The following SRRM3 variants were observed in gnomAD, a reference collection of about 807,000 sequenced individuals.
SRRM3 encodes serine/arginine repetitive matrix protein 3.
A neutral mutation model predicts 66.2 loss-of-function variants in SRRM3; 27 were observed. The observed-to-expected ratio is 0.41, with a 90% CI of 0.30 to 0.56. The LOEUF is 0.56. Ranked by LOEUF, SRRM3 falls within the 20% of genes least tolerant of loss-of-function variation. SRRM3 has a pLI of 0.32. For missense variants in SRRM3, 918 were observed against 991.9 expected (o/e 0.93, Z 1.00); for synonymous variants, 391 against 414.9 (o/e 0.94, Z 0.70).
intron 2 of SRRM3, among the ~76,000 whole-genome samples, chr7:76,236,831 C>T (rs1339635490): frequency 2.6e-5 from 4 of 152,088 alleles, no homozygotes; most frequent in Non-Finnish European, 4.4e-5. Flanking sequence ...AAGGAGGTTC[C>T]AGCTGGCAAG....
chr7:76,253,007 T>C (rs1554607105), intron 3 of SRRM3, among the ~76,000 whole-genome samples: 1 of 150,402 alleles, frequency 6.6e-6, no homozygotes, highest in Non-Finnish European at 1.5e-5. Flanking sequence ...CTACTAAAAA[T>C]ACAATAGTTA....
Position 76,248,848 on chromosome 7 carries a change from C to T in SRRM3, c.335+559C>T, listed in dbSNP as rs144579043. ...TAGAAAAGTTATCCGGGCATAGTGG[C>T]ACATGCCTGTAATCCCAGCTACTTG... On this transcript the variant is annotated intron_variant, in intron 3 of 14. Coordinates refer to ENST00000611745, the MANE Select transcript of SRRM3 (RefSeq NM_001110199.3). Among the ~76,000 whole-genome samples, 649 of 152,240 alleles carry T rather than the reference C, an allele frequency of 4.3e-3. 4 individuals are homozygous for T. The highest frequency in any genetic ancestry group is 0.015 in the African/African-American group (626 of 41,542).
At chr7:76,247,566 G>C (rs997939072) in intron 2 of SRRM3, among the ~76,000 whole-genome samples, 1 of 152,172 alleles carries the variant, frequency 6.6e-6, no homozygotes, top group South Asian at 2.1e-4. Flanking sequence ...GTGGAGGAGG[G>C]TACGGAGGAG....
intron 1 of SRRM3, among the ~76,000 whole-genome samples, chr7:76,228,549 C>T (rs1166306311): frequency 2.0e-5 from 3 of 151,898 alleles, no homozygotes; most frequent in African/African-American, 7.3e-5. Context: ...ATAGTGAAAC[C>T]CTGTCTCTAC....
At chr7:76,234,419 G>A (rs1801089995) in intron 1 of SRRM3, among the ~76,000 whole-genome samples, 2 of 152,166 alleles carry the variant, frequency 1.3e-5, no homozygotes, top group Admixed American at 1.3e-4. Context: ...CAATCTGGGT[G>A]AGCCCCGCTT....
intron 3 of SRRM3, among the ~76,000 whole-genome samples, chr7:76,259,548 G>C (rs12536176): frequency 6.6e-6 from 1 of 150,476 alleles, no homozygotes; most frequent in Non-Finnish European, 1.5e-5. Flanking sequence ...CTGCAACCCA[G>C]CCTGAGCAAC....
chr7:76,235,789 T>C (rs1351110915), intron 2 of SRRM3, among the ~76,000 whole-genome samples: 9 of 150,744 alleles, frequency 6.0e-5, no homozygotes, highest in Non-Finnish European at 1.0e-4. Context: ...GTGGATCACC[T>C]GAGGTCAGGA....
chr7:76,248,658 G>C (rs1801500002), intron 3 of SRRM3, among the ~76,000 whole-genome samples: 1 of 152,084 alleles, frequency 6.6e-6, no homozygotes, highest in South Asian at 2.1e-4. Context: ...GTGACCCCAG[G>C]CAAGCCCTGA....
chr7:76,272,726 T>G (rs748992693), intron 11 of SRRM3, among the ~76,000 whole-genome samples: 6 of 151,954 alleles, frequency 3.9e-5, no homozygotes, highest in Non-Finnish European at 7.4e-5. Flanking sequence ...TAGGTGAGGG[T>G]GGCAGAGAAG....
At chr7:76,227,611 C>G (rs1238346411) in intron 1 of SRRM3, among the ~76,000 whole-genome samples, 1 of 152,234 alleles carries the variant, frequency 6.6e-6, no homozygotes, top group Non-Finnish European at 1.5e-5. Flanking sequence ...GCTACAGACA[C>G]TTCTCCAGTT....
chr7:76,203,980 C>T (rs1179936171), intron 1 of SRRM3, among the ~76,000 whole-genome samples: 2 of 152,106 alleles, frequency 1.3e-5, no homozygotes, highest in Admixed American at 6.6e-5. Context: ...AACCGGCCAG[C>T]GGGGTGCCTC....
At position 76,267,379 on chromosome 7, in the gene SRRM3, G is replaced by C; in HGVS notation, c.952G>C (p.Gly318Arg). 1 of 1,442,366 alleles carries C rather than the reference G, an allele frequency of 6.9e-7. No homozygotes were observed. The highest frequency in any genetic ancestry group is 1.4e-5 in the South Asian group (1 of 69,374). 89.3% of individuals were successfully genotyped at this position (1,442,366 alleles called of 1,614,324 possible). A position where few individuals can be genotyped will look rare whatever the true frequency, so the allele number is the denominator to read the frequency against. Residue 318 changes from glycine (G) to arginine (R), a missense_variant, in exon 11 of 15, where the codon GGG (glycine) becomes CGG (arginine). By Grantham distance (125) the Gly-to-Arg change is moderately radical. Transcript: ENST00000611745. ...WGSPQRNGGS[G>R]QRSGAHGGRP... ...GTCGCCCCAGCGGAACGGCGGCAGC[G>C]GGCAGCGGAGCGGAGCGCACGGGGG...
intron 1 of SRRM3, among the ~76,000 whole-genome samples, chr7:76,223,997 A>C (rs1313055383): frequency 1.1e-4 from 2 of 17,742 alleles, no homozygotes; most frequent in African/African-American, 2.2e-4. Context: ...CCTCCCCCCA[A>C]TTCCCCCTCC....
chr7:76,274,139 G>A (rs1157779951), intron 11 of SRRM3, among the ~76,000 whole-genome samples: 1 of 152,274 alleles, frequency 6.6e-6, no homozygotes, highest in Non-Finnish European at 1.5e-5. Context: ...GCAAAAGGCA[G>A]TGACAGAGGA....
At chr7:76,254,610 A>T (rs1801660120) in intron 3 of SRRM3, among the ~76,000 whole-genome samples, 1 of 152,022 alleles carries the variant, frequency 6.6e-6, no homozygotes, top group Non-Finnish European at 1.5e-5. Flanking sequence ...GAGCCACCGC[A>T]CCCAGCCTGG....
chr7:76,207,322 AAG>A (rs141199793), intron 1 of SRRM3, among the ~76,000 whole-genome samples: 9 of 149,534 alleles, frequency 6.0e-5, no homozygotes, highest in Admixed American at 1.3e-4. Context: ...AACACAGAGA[AAG>A]AGAGAGAGAG....
chr7:76,231,326 T>A (rs1016135484), intron 1 of SRRM3, among the ~76,000 whole-genome samples: 1 of 152,170 alleles, frequency 6.6e-6, no homozygotes, highest in Non-Finnish European at 1.5e-5. Context: ...AGCTCTCCTT[T>A]CCTCCTCAAT....
At chr7:76,232,031 C>G (rs985447640) in intron 1 of SRRM3, among the ~76,000 whole-genome samples, 1 of 152,162 alleles carries the variant, frequency 6.6e-6, no homozygotes, top group African/African-American at 2.4e-5. Flanking sequence ...TAGCATTCGA[C>G]AGAATGCAAA....
chr7:76,265,483 C>T lies in SRRM3; in HGVS notation c.830+15C>T, dbSNP rs782339957. On this transcript the variant is annotated intron_variant, in intron 10 of 14. Coordinates refer to ENST00000611745, the MANE Select transcript of SRRM3 (RefSeq NM_001110199.3). ...TCTCCCAGCAGGTAGGCCTGGGCCT[C>T]TGGGAGGCTTTCTCCTGGTGGGGGA... The T allele has an allele frequency of 1.3e-6, 2 of 1,589,580 alleles. No homozygotes were observed. The highest frequency in any genetic ancestry group is 1.1e-5 in the South Asian group (1 of 87,412).
Sources: gnomAD v4.1 joint callset for allele counts (sites outside exome capture counted in the v4.1 genomes callset) on GRCh38, gnomAD v4.1.1 for gene constraint, MANE v1.5 for transcripts, NCBI Gene and HGNC (gene_info 2026-07-23, HGNC 2026-07-21) for gene names.